Variants in MGAM2 observed in about 807,000 individuals in gnomAD.
MGAM2 encodes probable maltase-glucoamylase 2.
A neutral mutation model predicts 96.1 loss-of-function variants in MGAM2; 98 were observed. The observed-to-expected ratio is 1.02, with a 90% CI of 0.87 to 1.21. The LOEUF (loss-of-function observed/expected upper bound fraction) is 1.21, where lower values mean the gene tolerates loss of function less well. Ranked by LOEUF, MGAM2 falls within the 50% of genes most tolerant of loss-of-function variation. The probability of loss-of-function intolerance (pLI) is 0.00; values close to 1 mark genes in which losing one functional copy is unlikely to be tolerated. For missense variants in MGAM2, 2,055 were observed against 1,182.4 expected (o/e 1.74, Z -10.82); for synonymous variants, 749 against 414.8 (o/e 1.81, Z -9.79).
rs1483294295 is a variant in MGAM2, at chr7:142,156,049, G to C, written c.1923+1204G>C. Among the ~76,000 whole-genome samples the C allele has an allele frequency of 3.9e-5, 6 of 152,220 alleles. No homozygotes were observed. In the East Asian group the frequency reaches 1.2e-3, roughly 29 times the overall value. On this transcript the variant is annotated intron_variant, in intron 17 of 47. Coordinates refer to ENST00000477922, the MANE Select transcript of MGAM2 (RefSeq NM_001293626.2). ...AATCCCAGCTACTTGGGAGGCTGAGGCAGGAGAATCTCTTGAACCGGGGAG... is the reference window on the plus strand; with the variant it reads ...AATCCCAGCTACTTGGGAGGCTGAGCCAGGAGAATCTCTTGAACCGGGGAG...
At chr7:142,195,207 AT>A (rs1337591468) in intron 37 of MGAM2, among the ~76,000 whole-genome samples, 2 of 151,414 alleles carry the variant, frequency 1.3e-5, no homozygotes, top group Admixed American at 1.3e-4. Flanking sequence ...AGCTAATTTT[AT>A]TTTTTTGTAG....
rs1221448924 is a variant in MGAM2, at chr7:142,221,555, A to G, written c.7044A>G (p.Thr2348=). ...CCATTATTTTCAACACTCTTGATAC[A>G]AAAAGTACCATGGTAATAGATGCTA... is the stretch of plus-strand genomic sequence containing the variant. ...ANTIIFNTLD[T]KSTMVIDATV... Residue 2348 remains threonine, a synonymous_variant, in exon 48 of 48, where the codon ACA becomes ACG. Transcript: ENST00000477922. The G allele has an allele frequency of 3.7e-6, 2 of 537,810 alleles. No homozygotes were observed. The highest frequency in any genetic ancestry group is 1.9e-5 in the African/African-American group (1 of 52,864). 33.3% of individuals were successfully genotyped at this position (537,810 alleles called of 1,614,324 possible). A position where few individuals can be genotyped will look rare whatever the true frequency, so the allele number is the denominator to read the frequency against.
chr7:142,134,892 A>C (rs1795010596), intron 7 of MGAM2, among the ~76,000 whole-genome samples: 1 of 152,194 alleles, frequency 6.6e-6, no homozygotes, highest in Non-Finnish European at 1.5e-5. Flanking sequence ...CTAAATTTTC[A>C]GTTGAACAGA....
intron 37 of MGAM2, 40 bp from the exon 38 acceptor site, chr7:142,196,113 GT>G (rs1474671564): frequency 1.2e-6 from 1 of 825,816 alleles, no homozygotes; most frequent in Non-Finnish European, 2.0e-6. Flanking sequence ...CTGTAAAGGA[GT>G]TTGTTTCTTC....
At chr7:142,138,378 G>A (rs768885436) in intron 9 of MGAM2, among the ~76,000 whole-genome samples, 164 bp from the exon 10 acceptor site, 10 of 152,100 alleles carry the variant, frequency 6.6e-5, no homozygotes, top group Non-Finnish European at 1.2e-4. Flanking sequence ...CTGATGTTGG[G>A]AATACATTTA....
chr7:142,132,229 A>C (rs925751871), intron 6 of MGAM2, 144 bp downstream of exon 6: 1 of 473,564 alleles, frequency 2.1e-6, no homozygotes, highest in African/African-American at 2.0e-5. Flanking sequence ...TTTGCTGTAA[A>C]ATAACAGTGT....
intron 45 of MGAM2, among the ~76,000 whole-genome samples, chr7:142,206,931 T>C (rs951762282): frequency 2.6e-5 from 4 of 152,260 alleles, no homozygotes; most frequent in South Asian, 4.1e-4. Context: ...TACAATTTTT[T>C]TATTAACTGC....
chr7:142,208,422 C>T (rs1180512609), intron 45 of MGAM2, 151 bp from the exon 46 acceptor site: 6 of 655,514 alleles, frequency 9.2e-6, no homozygotes, highest in Non-Finnish European at 1.7e-5. Flanking sequence ...GAAATAGTCT[C>T]TTAGCCACTC....
intron 23 of MGAM2, among the ~76,000 whole-genome samples, chr7:142,162,404 G>A (rs576931230): frequency 6.6e-6 from 1 of 152,070 alleles, no homozygotes; most frequent in South Asian, 2.1e-4. Flanking sequence ...CCTTTGGCAC[G>A]GGTATAAAGT....
At chr7:142,117,710 T>C (rs1817463080) in intron 2 of MGAM2, among the ~76,000 whole-genome samples, 1 of 152,148 alleles carries the variant, frequency 6.6e-6, no homozygotes, top group South Asian at 2.1e-4. Context: ...TAGGAACTAT[T>C]ACAACTTTGA....
intron 1 of MGAM2, among the ~76,000 whole-genome samples, chr7:142,114,198 GAA>G (rs1181425773): frequency 1.4e-5 from 2 of 138,624 alleles, no homozygotes; most frequent in Non-Finnish European, 3.0e-5. Flanking sequence ...AAGAAAGAAA[GAA>G]AGAAAGAAAG....
In MGAM2 at chr7:142,183,358, C is replaced by T. The variant is rs1796598148; in HGVS notation, c.3909C>T (p.Asp1303=). The change falls in exon 33 of 48, where the codon GAC becomes GAT. Residue 1303 remains aspartate, a synonymous_variant. Coordinates refer to ENST00000477922, the MANE Select transcript of MGAM2 (RefSeq NM_001293626.2). ...NVFIKWPDTN[D]IVWGKVWPDL... ...TCATCAAATGGCCTGACACCAATGA[C>T]ATTGTCTGGGGAAAGGTAAGGCTTG... 1.4e-6 allele frequency: 1 copy of T among 702,846 alleles called. No individual in the cohort carries two copies. Among genetic ancestry groups the T allele is most frequent in the Non-Finnish European group, 2.6e-6 (1 of 384,912 alleles). 43.5% of individuals were successfully genotyped at this position (702,846 alleles called of 1,614,324 possible). A position where few individuals can be genotyped will look rare whatever the true frequency, so the allele number is the denominator to read the frequency against.
At chr7:142,136,348 G>A (rs1795059049) in intron 7 of MGAM2, among the ~76,000 whole-genome samples, 193 bp from the exon 8 acceptor site, 1 of 152,028 alleles carries the variant, frequency 6.6e-6, no homozygotes, top group Non-Finnish European at 1.5e-5. Context: ...GAATTCTTTT[G>A]TATAGATAAT....
At chr7:142,170,577 G>C (rs2129089966) in intron 27 of MGAM2, among the ~76,000 whole-genome samples, 1 of 152,244 alleles carries the variant, frequency 6.6e-6, no homozygotes, top group East Asian at 1.9e-4. Flanking sequence ...AATAATAAGA[G>C]GCAGGAGAGA....
chr7:142,196,894 T>C (rs1461450029), intron 40 of MGAM2, 78 bp downstream of exon 40: 1 of 649,580 alleles, frequency 1.5e-6, no homozygotes, highest in Non-Finnish European at 2.8e-6. Context: ...ACTATTATAC[T>C]CATTTCCTGA....
intron 3 of MGAM2, among the ~76,000 whole-genome samples, chr7:142,126,546 C>T (rs1315532795): frequency 6.6e-6 from 1 of 151,756 alleles, no homozygotes; most frequent in Admixed American, 6.6e-5. Context: ...GGTCACTGGA[C>T]ATTTCAGGTT....
Position 142,157,920 on chromosome 7 carries a change from C to A in MGAM2, c.1924-17C>A. ...GATGGAAAGAAATATTCAGCCATTC[C>A]TTCCATTTTCTCCTAGGACCAGGAT... On this transcript the variant is annotated splice_polypyrimidine_tract_variant and intron_variant, in intron 17 of 47. Transcript: ENST00000477922. The A allele has an allele frequency of 1.4e-6, 1 of 702,040 alleles. No homozygotes were observed. Among genetic ancestry groups the A allele is most frequent in the Non-Finnish European group, 2.6e-6 (1 of 384,588 alleles). The allele number at this position is 702,040 out of a possible 1,614,324, so 43.5% of individuals were successfully genotyped here. A position where few individuals can be genotyped will look rare whatever the true frequency, so the allele number is the denominator to read the frequency against.
intron 32 of MGAM2, among the ~76,000 whole-genome samples, chr7:142,183,064 G>A (rs1796589327): frequency 6.6e-6 from 1 of 152,146 alleles, no homozygotes; most frequent in South Asian, 2.1e-4. Flanking sequence ...AGTACTCATG[G>A]CACCATCCCT....
At chr7:142,120,270 A>G in intron 2 of MGAM2, 32 bp from the exon 3 acceptor site, 1 of 701,968 alleles carries the variant, frequency 1.4e-6, no homozygotes, top group Non-Finnish European at 2.6e-6. Context: ...TACACTACAC[A>G]TTTTCAACTT....
Sources: allele counts gnomAD v4.1 joint callset (sites outside exome capture counted in the v4.1 genomes callset), GRCh38; gene constraint gnomAD v4.1.1; transcripts MANE v1.5; gene names NCBI Gene and HGNC (gene_info 2026-07-23, HGNC 2026-07-21).